The following PLXNA4 variants were observed in gnomAD, a reference collection of about 807,000 sequenced individuals.
The protein encoded by PLXNA4 is plexin-A4.
PLXNA4 carries 44 observed loss-of-function variants against 191.8 expected under a neutral mutation model. The observed-to-expected ratio is 0.23, with a 90% CI of 0.18 to 0.29. The LOEUF is 0.29. Among genes scored for constraint, PLXNA4 ranks in the 10% least tolerant of loss-of-function variants. The pLI, the probability that PLXNA4 is intolerant of heterozygous loss-of-function variation, is 1.00. For missense variants in PLXNA4, 1,800 were observed against 2,488.8 expected, an observed-to-expected ratio of 0.72 and a Z score of 5.89; for synonymous variants, 1,082 against 1,009.5, an observed-to-expected ratio of 1.07 and a Z score of -1.36.
At chr7:132,438,662 C>T (rs549690366) in intron 3 of PLXNA4, among the ~76,000 whole-genome samples, 5 of 152,298 alleles carry the variant, frequency 3.3e-5, no homozygotes, top group African/African-American at 1.2e-4. Flanking sequence ...ATTTTTGCCA[C>T]TTGCTGGTAA....
At chr7:132,358,212 C>T (rs1009959171) in intron 3 of PLXNA4, among the ~76,000 whole-genome samples, 1 of 152,152 alleles carries the variant, frequency 6.6e-6, no homozygotes, top group African/African-American at 2.4e-5. Context: ...TATACAAATC[C>T]TTTTTGTTCC....
intron 25 of PLXNA4, among the ~76,000 whole-genome samples, chr7:132,150,190 G>A (rs1795554651): frequency 6.6e-6 from 1 of 152,212 alleles, no homozygotes; most frequent in Non-Finnish European, 1.5e-5. Flanking sequence ...GTCTGGGGTG[G>A]TTAGACTAAT....
intron 3 of PLXNA4, among the ~76,000 whole-genome samples, chr7:132,345,948 A>ACT (rs1803229366): frequency 6.6e-6 from 1 of 151,806 alleles, no homozygotes; most frequent in Admixed American, 6.6e-5. Context: ...CTCTTTCCCC[A>ACT]TCTGCTGCGT....
intron 1 of PLXNA4, among the ~76,000 whole-genome samples, chr7:132,549,700 T>C (rs1381919566): frequency 6.6e-6 from 1 of 152,186 alleles, no homozygotes; most frequent in African/African-American, 2.4e-5. Context: ...GCAGGGAGGA[T>C]TCCTCAGCAG....
At chr7:132,219,939 A>G (rs536457320) in intron 9 of PLXNA4, among the ~76,000 whole-genome samples, 7 of 152,348 alleles carry the variant, frequency 4.6e-5, no homozygotes, top group African/African-American at 1.7e-4. Context: ...CTAGGTGTGC[A>G]GTAAGCTACA....
intron 3 of PLXNA4, among the ~76,000 whole-genome samples, chr7:132,379,174 C>A (rs73726030): frequency 6.6e-6 from 1 of 152,056 alleles, no homozygotes; most frequent in Non-Finnish European, 1.5e-5. Flanking sequence ...ATAACAGATG[C>A]CATAACATTT....
chr7:132,327,310 T>C (rs571225174), intron 3 of PLXNA4, among the ~76,000 whole-genome samples: 139 of 152,186 alleles, frequency 9.1e-4, no homozygotes, highest in Non-Finnish European at 1.5e-3. Flanking sequence ...CAGGGGTAGG[T>C]TGCAATCTAA....
At chr7:132,357,894 C>T (rs543225544) in intron 3 of PLXNA4, among the ~76,000 whole-genome samples, 4 of 152,142 alleles carry the variant, frequency 2.6e-5, no homozygotes, top group Non-Finnish European at 5.9e-5. Flanking sequence ...TGGGCCGAGC[C>T]CAAGTTAAAG....
chr7:132,641,797 C>A (rs1055518945), intron 2 of PLXNA4, among the ~76,000 whole-genome samples: 1 of 152,122 alleles, frequency 6.6e-6, no homozygotes. Context: ...CAATGTCAAT[C>A]ATGCACCTAA....
intron 3 of PLXNA4, among the ~76,000 whole-genome samples, chr7:132,319,866 C>T (rs1439165835): frequency 1.3e-5 from 2 of 152,258 alleles, no homozygotes; most frequent in Non-Finnish European, 2.9e-5. Flanking sequence ...CCTATGCTCT[C>T]CACTTGCTTC....
intron 3 of PLXNA4, among the ~76,000 whole-genome samples, chr7:132,347,577 T>C (rs17166377): frequency 0.11 from 17,001 of 151,968 alleles, 2,077 homozygotes; most frequent in African/African-American, 0.31. Flanking sequence ...CCGTCCAAAA[T>C]CGTTTGGTAG....
At position 132,508,668 on chromosome 7, in the gene PLXNA4, G is replaced by C. The variant is rs1266173320; in HGVS notation, c.26C>G (p.Thr9Ser). 5 of 1,551,776 alleles carry C rather than the reference G, an allele frequency of 3.2e-6. No homozygotes were observed. The African/African-American group carries it at 6.8e-5, about 21-fold the overall frequency. The change falls in exon 2 of 32, where the codon ACC (threonine) becomes AGC (serine). Residue 9 changes from threonine to serine, a missense_variant. Coordinates refer to ENST00000321063, the MANE Select transcript of PLXNA4 (RefSeq NM_020911.2). The surrounding 1 kb of genome is among the most constrained non-coding windows in gnomAD (Gnocchi z 4.4). ...CATGAGGAGGTGGGAGAGAAGGCAG[G>C]TCCAGTTCCAGGGCATGGCTTTCAT... MKAMPWNW[T>S]CLLSHLLMVG...
intron 25 of PLXNA4, among the ~76,000 whole-genome samples, chr7:132,150,007 C>G (rs914702258): frequency 1.3e-5 from 2 of 152,172 alleles, no homozygotes; most frequent in African/African-American, 4.8e-5. Context: ...CCCTGGGGCT[C>G]CAGTCCCTGG....
chr7:132,383,653 C>T (rs1259666192), intron 3 of PLXNA4: 1 of 982,334 alleles, frequency 1.0e-6, no homozygotes, highest in East Asian at 1.1e-4. Context: ...ATCTACCTAA[C>T]CATTCTCCTA....
intron 3 of PLXNA4, among the ~76,000 whole-genome samples, chr7:132,329,431 C>G (rs935195169): frequency 2.0e-5 from 3 of 152,190 alleles, no homozygotes; most frequent in Admixed American, 6.5e-5. Context: ...TTGTGCCCCC[C>G]AGGACTCTGC....
intron 3 of PLXNA4, among the ~76,000 whole-genome samples, chr7:132,334,252 C>CTTTTTTTTTTTTTTTTTTTTTTTTTTTTT (rs71529758): frequency 5.3e-5 from 4 of 75,606 alleles, no homozygotes; most frequent in East Asian, 3.4e-4. Context: ...TTCTTTCTTT[C>CTTTTTTTTTTTTTTTTTTTTTTTTTTTTT]TTTTTTTTTT....
Position 132,134,004 on chromosome 7 carries a change from C to T in PLXNA4, c.5439-805G>A, listed in dbSNP as rs530192242. ...TGGCCCAGCTCAGCCTAGCCCAATCCAGCCCATGCCAAATCCCTGTGGCTG... is the reference window on the plus strand; with the variant it reads ...TGGCCCAGCTCAGCCTAGCCCAATCTAGCCCATGCCAAATCCCTGTGGCTG... On this transcript the variant is annotated intron_variant, in intron 30 of 31. Transcript: ENST00000321063. Among the ~76,000 whole-genome samples the T allele has an allele frequency of 1.4e-4, 21 of 152,270 alleles. No homozygotes were observed. The East Asian group carries it at 4.1e-3, about 29-fold the overall frequency.
At chr7:132,358,119 G>T (rs1284964496) in intron 3 of PLXNA4, among the ~76,000 whole-genome samples, 1 of 152,216 alleles carries the variant, frequency 6.6e-6, no homozygotes, top group Non-Finnish European at 1.5e-5. Flanking sequence ...CCAAAATGAA[G>T]TCTTCCTGTG....
intron 3 of PLXNA4, among the ~76,000 whole-genome samples, chr7:132,392,908 C>T (rs1002148552): frequency 2.0e-5 from 3 of 152,092 alleles, no homozygotes; most frequent in Non-Finnish European, 2.9e-5. Flanking sequence ...TAGGAGATGC[C>T]GCCTCCCTGT....
Sources: allele counts gnomAD v4.1 joint callset (sites outside exome capture counted in the v4.1 genomes callset), GRCh38; gene constraint gnomAD v4.1.1; non-coding constraint Gnocchi (gnomAD v3.1); transcripts MANE v1.5; gene names NCBI Gene and HGNC (gene_info 2026-07-23, HGNC 2026-07-21).